Variants in CFAP54 observed in about 807,000 individuals in gnomAD.
CFAP54 encodes cilia- and flagella-associated protein 54.
In CFAP54, 290 loss-of-function variants were observed where a neutral mutation model predicts 370.4. The observed-to-expected ratio is 0.78, with a 90% CI of 0.71 to 0.86. CFAP54 has a LOEUF of 0.86. Among genes scored for constraint, CFAP54 ranks in the 40% least tolerant of loss-of-function variants. The pLI, the probability that CFAP54 is intolerant of heterozygous loss-of-function variation, is 0.00. For missense variants in CFAP54, 3,399 were observed against 3,528.7 expected (o/e 0.96, Z 0.93); for synonymous variants, 1,206 against 1,236.5 (o/e 0.98, Z 0.52).
Position 96,535,505 on chromosome 12 carries a change from A to C in CFAP54, c.1706-10A>C. 1 of 1,519,786 alleles carries C rather than the reference A, an allele frequency of 6.6e-7. No homozygotes were observed. The highest frequency in any genetic ancestry group is 8.8e-7 in the Non-Finnish European group (1 of 1,133,814). 94.1% of individuals were successfully genotyped at this position (1,519,786 alleles called of 1,614,324 possible). On this transcript the variant is annotated splice_polypyrimidine_tract_variant and intron_variant, in intron 11 of 67. Coordinates refer to ENST00000524981, the MANE Select transcript of CFAP54 (RefSeq NM_001306084.2). ...TTTTTGTTTCATTTTCCTCTACTTT[A>C]TGAACTTAGATACTTGTTTGAAGAC...
At chr12:96,791,330 C>T (rs1337556128) in intron 62 of CFAP54, among the ~76,000 whole-genome samples, 4 of 152,004 alleles carry the variant, frequency 2.6e-5, no homozygotes, top group African/African-American at 9.7e-5. Context: ...TATGGCTAGC[C>T]TATTGTTTTG....
chr12:96,783,445 C>T (rs1872204510), intron 60 of CFAP54, among the ~76,000 whole-genome samples: 2 of 152,128 alleles, frequency 1.3e-5, no homozygotes, highest in African/African-American at 4.8e-5. Flanking sequence ...TATTTATGTG[C>T]ATGTATATAT....
intron 35 of CFAP54, among the ~76,000 whole-genome samples, chr12:96,650,788 T>C (rs189836069): frequency 4.6e-5 from 7 of 152,294 alleles, no homozygotes; most frequent in Admixed American, 4.6e-4. Context: ...CATAATGTAA[T>C]GTAAACCTGG....
At chr12:96,573,700 A>G (rs918790472) in intron 19 of CFAP54, among the ~76,000 whole-genome samples, 1 of 152,206 alleles carries the variant, frequency 6.6e-6, no homozygotes, top group Admixed American at 6.5e-5. Flanking sequence ...CAATGGAGGA[A>G]ACAGATGTCA....
intron 66 of CFAP54, among the ~76,000 whole-genome samples, chr12:96,835,326 A>C (rs574346650): frequency 2.0e-5 from 3 of 152,114 alleles, no homozygotes; most frequent in African/African-American, 7.2e-5. Flanking sequence ...GCCCTGGCTG[A>C]ACTCAGGGCT....
chr12:96,700,077 CCA>C lies in CFAP54; in HGVS notation c.6460_6461del (p.Thr2154TrpfsTer10). ...TGTCCAATACCTGCAGGCTATAAAGCCACTGGAAAAATGAAGGTAACCTGACA... is the reference window on the plus strand; with the variant it reads ...TGTCCAATACCTGCAGGCTATAAAGCCTGGAAAAATGAAGGTAACCTGACA... On this transcript the variant is annotated frameshift_variant, in exon 46 of 68. Coordinates refer to ENST00000524981, the MANE Select transcript of CFAP54 (RefSeq NM_001306084.2). LOFTEE classifies it high-confidence loss of function. 6.2e-7 allele frequency: 1 copy of C among 1,603,962 alleles called. No individual in the cohort carries two copies.
At chr12:96,808,843 G>A (rs1267686333) in intron 63 of CFAP54, among the ~76,000 whole-genome samples, 1 of 152,060 alleles carries the variant, frequency 6.6e-6, no homozygotes, top group Non-Finnish European at 1.5e-5. Flanking sequence ...TTTGTCCAAG[G>A]GCCAATACCA....
Position 96,657,905 on chromosome 12 carries a change from C to CA in CFAP54, c.5125dup (p.Ser1709LysfsTer10), listed in dbSNP as rs771047885. ...AGCCTATTGAAGACAAAGGAGAATTCAGTGTTCCAAGCTGTTATGGGAATA... is the reference window on the plus strand; with the variant it reads ...AGCCTATTGAAGACAAAGGAGAATTCAAGTGTTCCAAGCTGTTATGGGAATA... On this transcript the variant is annotated frameshift_variant, in exon 37 of 68. Coordinates refer to ENST00000524981, the MANE Select transcript of CFAP54 (RefSeq NM_001306084.2). LOFTEE classifies it high-confidence loss of function. The CA allele has an allele frequency of 5.0e-6, 8 of 1,611,606 alleles. No individual in the cohort carries two copies. The African/African-American group carries it at 1.1e-4, about 22-fold the overall frequency.
chr12:96,592,169 G>C (rs938253388), intron 23 of CFAP54, among the ~76,000 whole-genome samples: 1 of 152,088 alleles, frequency 6.6e-6, no homozygotes, highest in Non-Finnish European at 1.5e-5. Flanking sequence ...GTAAGTGATC[G>C]TTGTCACAGA....
chr12:96,795,036 T>C lies in CFAP54; in HGVS notation c.8850+2537T>C, dbSNP rs75998045. Among the ~76,000 whole-genome samples the C allele has an allele frequency of 3.0e-4, 45 of 152,316 alleles. 1 individual carries two copies. The East Asian group carries it at 8.5e-3, about 29-fold the overall frequency. ...TCTGGGTCTAGGCACCCATCGAAGC[T>C]ACCGGGCTCTGGGCTGGTACAGAGG... On this transcript the variant is annotated intron_variant, in intron 63 of 67. Transcript: ENST00000524981.
At chr12:96,657,086 C>A (rs1054768222) in intron 36 of CFAP54, among the ~76,000 whole-genome samples, 1 of 152,180 alleles carries the variant, frequency 6.6e-6, no homozygotes, top group African/African-American at 2.4e-5. Context: ...ATACTTCACA[C>A]CCATGTATAT....
intron 51 of CFAP54, among the ~76,000 whole-genome samples, chr12:96,741,567 G>C (rs768777101): frequency 1.3e-5 from 2 of 152,160 alleles, no homozygotes; most frequent in Non-Finnish European, 2.9e-5. Flanking sequence ...CTCCTGGCTA[G>C]CACATGTTGC....
intron 1 of CFAP54, among the ~76,000 whole-genome samples, chr12:96,500,174 A>G (rs1955010463): frequency 6.6e-6 from 1 of 152,228 alleles, no homozygotes; most frequent in South Asian, 2.1e-4. Context: ...ACTTAGATGC[A>G]TATTGCTAAG....
intron 27 of CFAP54, among the ~76,000 whole-genome samples, 154 bp downstream of exon 27, chr12:96,621,875 GTTT>G (rs71068819): frequency 0.013 from 644 of 50,018 alleles, 3 homozygotes; most frequent in African/African-American, 0.042. Context: ...TTTTGGGTTT[GTTT>G]TTTTTTTTTT....
At chr12:96,598,617 C>A in intron 25 of CFAP54, 28 bp from the exon 26 acceptor site, 1 of 584,002 alleles carries the variant, frequency 1.7e-6, no homozygotes, top group Non-Finnish European at 3.1e-6. Context: ...CATTTTAAAA[C>A]AAAAATCATT....
intron 3 of CFAP54, 107 bp downstream of exon 3, chr12:96,504,136 C>A: frequency 9.3e-7 from 1 of 1,069,562 alleles, no homozygotes; most frequent in African/African-American, 1.6e-5. Context: ...TAGCATCTAG[C>A]TGTGTGCTAT....
intron 64 of CFAP54, among the ~76,000 whole-genome samples, chr12:96,812,350 A>G (rs1357306510): frequency 1.3e-5 from 2 of 152,136 alleles, no homozygotes; most frequent in African/African-American, 4.8e-5. Flanking sequence ...TCTCTGCTTC[A>G]TCTAGGTTGT....
chr12:96,572,053 CAG>C (rs1955924340), intron 19 of CFAP54, among the ~76,000 whole-genome samples: 1 of 152,150 alleles, frequency 6.6e-6, no homozygotes, highest in Non-Finnish European at 1.5e-5. Flanking sequence ...AAGAGCCAAT[CAG>C]AACATTTTAA....
chr12:96,511,840 T>G (rs1327095797), intron 4 of CFAP54, among the ~76,000 whole-genome samples: 2 of 152,248 alleles, frequency 1.3e-5, no homozygotes, highest in African/African-American at 4.8e-5. Context: ...TGAGTTTTTA[T>G]GGTTACGAAT....
Sources: allele counts gnomAD v4.1 joint callset (sites outside exome capture counted in the v4.1 genomes callset), GRCh38; gene constraint gnomAD v4.1.1; transcripts MANE v1.5; gene names NCBI Gene and HGNC (gene_info 2026-07-23, HGNC 2026-07-21).